The following VDR variants were observed in gnomAD, a reference collection of about 807,000 sequenced individuals.
VDR encodes the protein vitamin D receptor, also known as vitamin D3 receptor.
In VDR, 19 loss-of-function variants were observed where a neutral mutation model predicts 39.7. That is an observed-to-expected ratio of 0.48 (90% confidence interval 0.33 to 0.70). The LOEUF (loss-of-function observed/expected upper bound fraction) is 0.70. Ranked by LOEUF, VDR falls within the 30% of genes least tolerant of loss-of-function variation. VDR has a pLI of 0.02. For missense variants in VDR, 442 were observed against 570.5 expected (o/e 0.77, Z 2.29); for synonymous variants, 242 against 215.8 (o/e 1.12, Z -1.07).
At chr12:47,900,094 A>C (rs1361355126) in intron 1 of VDR, 1 of 307,996 alleles carries the variant, frequency 3.2e-6, no homozygotes, top group Non-Finnish European at 4.8e-6. Context: ...TGCCTTCCAG[A>C]CTATTAGAGT....
intron 4 of VDR, among the ~76,000 whole-genome samples, chr12:47,861,992 G>A (rs1305004294): frequency 6.6e-6 from 1 of 152,220 alleles, no homozygotes; most frequent in Admixed American, 6.5e-5. Context: ...GATATACAGA[G>A]AGAAAGAAGC....
Position 47,844,498 on chromosome 12 carries a change from C to A in VDR, c.*248G>T, listed in dbSNP as rs1945234000. 1 of 604,612 alleles carries A rather than the reference C, an allele frequency of 1.7e-6. No individual in the cohort carries two copies. The highest frequency in any genetic ancestry group is 1.9e-5 in the African/African-American group (1 of 53,938). The allele number at this position is 604,612 out of a possible 1,614,324, so 37.5% of individuals were successfully genotyped here. On this transcript the variant is annotated 3_prime_UTR_variant, in exon 10 of 10. Transcript: ENST00000549336. ...CTCCAGCCTCTGCCCTCTGCCCCCA[C>A]TTGGGTTTCTTTGTCAAACAAACAG... is the stretch of plus-strand genomic sequence containing the variant.
chr12:47,863,568 G>A (rs890280971), intron 4 of VDR, among the ~76,000 whole-genome samples: 2 of 152,236 alleles, frequency 1.3e-5, no homozygotes, highest in Non-Finnish European at 2.9e-5. Flanking sequence ...AGGGCCCACT[G>A]AGAATGTGTG....
At chr12:47,877,279 G>T in intron 3 of VDR, among the ~76,000 whole-genome samples, 1 of 152,074 alleles carries the variant, frequency 6.6e-6, no homozygotes, top group East Asian at 1.9e-4. Flanking sequence ...GGCTGGCTGC[G>T]AGGCTTTTGT....
intron 1 of VDR, among the ~76,000 whole-genome samples, chr12:47,902,014 A>C (rs965167433): frequency 5.3e-5 from 8 of 152,298 alleles, no homozygotes; most frequent in Middle Eastern, 3.4e-3. Context: ...CTGTCCTCAG[A>C]ATTAAGCTAC....
chr12:47,873,406 G>GGA (rs1945929927), intron 3 of VDR, among the ~76,000 whole-genome samples: 1 of 119,036 alleles, frequency 8.4e-6, no homozygotes, highest in Non-Finnish European at 1.6e-5. Context: ...TGTCGCCCAC[G>GGA]CTGGAGTGCA....
Position 47,895,907 on chromosome 12 carries a change from C to T in VDR, c.-84+9048G>A, listed in dbSNP as rs140634023. On this transcript the variant is annotated intron_variant, in intron 1 of 9. Coordinates refer to ENST00000549336, the MANE Select transcript of VDR (RefSeq NM_000376.3). ...GCGTGTGCTCTCCAGTCCATCTCAC[C>T]GGGTCTGCATCCCTCCAGCCTCACT... Among the ~76,000 whole-genome samples, 297 of 152,320 alleles carry T rather than the reference C, an allele frequency of 1.9e-3. 1 individual carries two copies. The highest frequency in any genetic ancestry group is 6.8e-3 in the African/African-American group (283 of 41,564).
At chr12:47,845,114 A>T in intron 9 of VDR, 109 bp from the exon 10 acceptor site, 1 of 1,539,134 alleles carries the variant, frequency 6.5e-7, no homozygotes, top group African/African-American at 1.4e-5. Flanking sequence ...AGCACCCCCT[A>T]GGCCACCCCT....
chr12:47,884,848 T>A (rs1355021906), intron 1 of VDR, among the ~76,000 whole-genome samples: 2 of 152,110 alleles, frequency 1.3e-5, no homozygotes, highest in African/African-American at 2.4e-5. Context: ...CCATCCACTT[T>A]CTGTCACCCA....
chr12:47,854,593 G>A lies in VDR; in HGVS notation c.755+1037C>T, dbSNP rs561208795. Among the ~76,000 whole-genome samples the A allele has an allele frequency of 3.9e-5, 6 of 152,312 alleles. No homozygotes were observed. The South Asian group carries it at 8.3e-4, about 21-fold the overall frequency. On this transcript the variant is annotated intron_variant, in intron 7 of 9. Coordinates refer to ENST00000549336, the MANE Select transcript of VDR (RefSeq NM_000376.3). Reference sequence around the variant, plus strand: ...AGTTGGGGTGTGGAGGAATCATATCGTTGAATTTAAAGAGATAATATGAGG... The same window carrying A: ...AGTTGGGGTGTGGAGGAATCATATCATTGAATTTAAAGAGATAATATGAGG...
rs116488228 is a variant in VDR, at chr12:47,863,683, G to A, written c.277+1364C>T. Among the ~76,000 whole-genome samples the A allele has an allele frequency of 2.9e-3, 436 of 152,296 alleles. 3 individuals carry two copies. The highest frequency in any genetic ancestry group is 0.01 in the African/African-American group (423 of 41,550). ...AGGGACTAGGGTAGGAGCGACCAGC[G>A]TGCCCAGGCCTGCACCCTGTGATGG... On this transcript the variant is annotated intron_variant, in intron 4 of 9. Coordinates refer to ENST00000549336, the MANE Select transcript of VDR (RefSeq NM_000376.3).
chr12:47,874,151 T>G (rs1426819010), intron 3 of VDR, among the ~76,000 whole-genome samples: 1 of 152,252 alleles, frequency 6.6e-6, no homozygotes, highest in Non-Finnish European at 1.5e-5. Context: ...CCCAAGCTTC[T>G]GAACATTACT....
At chr12:47,877,006 A>G (rs1228004020) in intron 3 of VDR, among the ~76,000 whole-genome samples, 1 of 152,210 alleles carries the variant, frequency 6.6e-6, no homozygotes, top group Non-Finnish European at 1.5e-5. Context: ...ACAAGATATG[A>G]CCTTCGGTGA....
chr12:47,867,834 A>G (rs114517933), intron 3 of VDR, among the ~76,000 whole-genome samples: 1 of 152,194 alleles, frequency 6.6e-6, no homozygotes, highest in African/African-American at 2.4e-5. Flanking sequence ...CTCACTGTTC[A>G]CATTCACTAG....
intron 9 of VDR, 116 bp from the exon 10 acceptor site, chr12:47,845,121 C>T (rs1449546381): frequency 6.7e-7 from 1 of 1,492,088 alleles, no homozygotes; most frequent in Non-Finnish European, 9.2e-7. Flanking sequence ...CCTAGGCCAC[C>T]CCTCTATGAC....
intron 4 of VDR, among the ~76,000 whole-genome samples, chr12:47,861,496 G>A (rs746559970): frequency 8.5e-5 from 13 of 152,208 alleles, no homozygotes; most frequent in East Asian, 1.9e-4. Flanking sequence ...TGTGATTTAC[G>A]AAATAATTTG....
chr12:47,890,377 TTATA>T (rs60534556), intron 1 of VDR, among the ~76,000 whole-genome samples: 14 of 141,902 alleles, frequency 9.9e-5, no homozygotes, highest in African/African-American at 3.8e-4. Context: ...AATATATATT[TTATA>T]TATATATATA....
At chr12:47,856,198 A>G (rs1213436376) in intron 6 of VDR, among the ~76,000 whole-genome samples, 2 of 152,240 alleles carry the variant, frequency 1.3e-5, no homozygotes, top group Non-Finnish European at 2.9e-5. Flanking sequence ...ATGTTTAAAT[A>G]TTGATGCCAG....
intron 7 of VDR, among the ~76,000 whole-genome samples, chr12:47,853,378 G>A (rs1327519219): frequency 1.3e-5 from 2 of 151,040 alleles, no homozygotes; most frequent in African/African-American, 2.4e-5. Context: ...GGGAGGCGGA[G>A]CTTGCAGTGA....
Sources: gnomAD v4.1 joint callset for allele counts (sites outside exome capture counted in the v4.1 genomes callset) on GRCh38, gnomAD v4.1.1 for gene constraint, MANE v1.5 for transcripts, NCBI Gene and HGNC (gene_info 2026-07-23, HGNC 2026-07-21) for gene names.